RAI1: variants seen among roughly 807,000 people sequenced by gnomAD.
The protein encoded by RAI1 is retinoic acid-induced protein 1.
RAI1 carries 9 observed loss-of-function variants against 123.8 expected under a neutral mutation model. The observed-to-expected ratio is 0.07, with a 90% confidence interval of 0.04 to 0.13. RAI1 has a LOEUF of 0.13. Among genes scored for constraint, RAI1 ranks in the 10% least tolerant of loss-of-function variants. The pLI is 1.00. For missense variants in RAI1, 2,256 were observed against 2,545.8 expected, an observed-to-expected ratio of 0.89 and a Z score of 2.45; for synonymous variants, 1,231 against 1,127.3, an observed-to-expected ratio of 1.09 and a Z score of -1.84.
chr17:17,686,602 T>C lies in RAI1; in HGVS notation c.-149+4809T>C, dbSNP rs1175256685. Among the ~76,000 whole-genome samples the C allele has an allele frequency of 6.9e-4, 99 of 143,780 alleles. 1 individual carries two copies. The highest frequency in any genetic ancestry group is 3.5e-3 in the Middle Eastern group (1 of 284). 94.3% of individuals were successfully genotyped at this position (143,780 alleles called of 152,430 possible). ...GTGTGTGTGTGTGTGTGTGTGTGTG[T>C]GTGTGTGCACGCGCGCGCCGGGGAG... On this transcript the variant is annotated intron_variant, in intron 1 of 5. Transcript: ENST00000353383.
chr17:17,797,553 C>T lies in RAI1; in HGVS notation c.4605C>T (p.Ser1535=), dbSNP rs1256785905. The T allele has an allele frequency of 6.2e-7, 1 of 1,614,006 alleles. No individual in the cohort carries two copies. The highest frequency in any genetic ancestry group is 1.1e-5 in the South Asian group (1 of 91,078). The change falls in exon 3 of 6, where the codon TCC becomes TCT. Residue 1535 remains serine (S), a synonymous_variant. Coordinates refer to ENST00000353383, the MANE Select transcript of RAI1 (RefSeq NM_030665.4). ...GCCACACCAACTACAGCAGCTATTC[C>T]AAGCGGAAGCGCCTCACTCGGGGCC... ...QPGHTNYSSY[S]KRKRLTRGRA... is the part of the protein sequence containing the mutation.
chr17:17,722,914 C>A (rs1011287454), intron 1 of RAI1, among the ~76,000 whole-genome samples: 1 of 152,216 alleles, frequency 6.6e-6, no homozygotes, highest in African/African-American at 2.4e-5. Context: ...GCGCCTTAAG[C>A]GGCTCTTCTG....
intron 1 of RAI1, among the ~76,000 whole-genome samples, chr17:17,686,606 T>C (rs867736848): frequency 0.011 from 1,556 of 137,344 alleles, 32 homozygotes; most frequent in African/African-American, 0.041. Context: ...TGTGTGTGTG[T>C]GTGCACGCGC....
At chr17:17,784,189 G>C (rs1054038015) in intron 2 of RAI1, among the ~76,000 whole-genome samples, 20 of 152,176 alleles carry the variant, frequency 1.3e-4, no homozygotes, top group Non-Finnish European at 2.8e-4. Flanking sequence ...ACTGGGGGGA[G>C]GGAGGGGGTG....
In RAI1 at chr17:17,800,225, TCTC is replaced by T. The variant is rs1223275587; in HGVS notation, c.5565+1713_5565+1715del. Among the ~76,000 whole-genome samples, 3 of 143,014 alleles carry T rather than the reference TCTC, an allele frequency of 2.1e-5. No homozygotes were observed. Among genetic ancestry groups the T allele is most frequent in the Non-Finnish European group, 4.6e-5 (3 of 65,792 alleles). The allele number at this position is 143,014 out of a possible 152,430, so 93.8% of individuals were successfully genotyped here. On this transcript the variant is annotated intron_variant, in intron 3 of 5. Transcript: ENST00000353383. This position sits in a 1 kb window ranked among gnomAD's most constrained non-coding sequence, Gnocchi z 4.7. ...CTCTCTCTCTCTCTCTCTCTCTCTC[TCTC>T]ATTACTGGCTCCTTCCCAGCGCCTT...
At position 17,783,455 on chromosome 17, in the gene RAI1, G is replaced by T. The variant is rs577893647; in HGVS notation, c.-16-9478G>T. Among the ~76,000 whole-genome samples, 3 of 151,702 alleles carry T rather than the reference G, an allele frequency of 2.0e-5. No individual in the cohort carries two copies. The East Asian group carries it at 5.9e-4, about 30-fold the overall frequency. The stretch of plus-strand genomic sequence containing the variant: ...ACAAATAGAAGGTGAAATTTTACCT[G>T]CCCCTGAGGGAGTCCTGCGGATTTT... On this transcript the variant is annotated intron_variant, in intron 2 of 5. Transcript: ENST00000353383.
chr17:17,751,104 T>C (rs928045696), intron 2 of RAI1, among the ~76,000 whole-genome samples: 2 of 152,232 alleles, frequency 1.3e-5, no homozygotes, highest in South Asian at 2.1e-4. Flanking sequence ...ATGTTGGCCT[T>C]TCTGCCCCTT....
At chr17:17,777,107 G>A (rs1283299824) in intron 2 of RAI1, 1 of 152,186 alleles carries the variant, frequency 6.6e-6, no homozygotes, top group African/African-American at 2.4e-5. Context: ...TGGACAGCTA[G>A]GGGATCCCGT....
In RAI1 at chr17:17,810,953, C is replaced by T. The variant is rs765313154; in HGVS notation, c.*972C>T. The T allele has an allele frequency of 8.0e-5, 26 of 326,696 alleles. No individual in the cohort carries two copies. Among genetic ancestry groups the T allele is most frequent in the South Asian group, 3.6e-4 (17 of 47,194 alleles). 20.2% of individuals were successfully genotyped at this position (326,696 alleles called of 1,614,324 possible). On this transcript the variant is annotated 3_prime_UTR_variant, in exon 6 of 6. Transcript: ENST00000353383. This position sits in a 1 kb window ranked among gnomAD's most constrained non-coding sequence, Gnocchi z 4.6. ...AATGTATATATGTTGGGAACATGCT[C>T]GCTTCTCCCGTGTGTCGCCGCCGTG... is the stretch of plus-strand genomic sequence containing the variant.
chr17:17,727,973 T>C (rs1157487858), intron 2 of RAI1, among the ~76,000 whole-genome samples: 3 of 152,104 alleles, frequency 2.0e-5, no homozygotes, highest in Non-Finnish European at 4.4e-5. Context: ...CGTGTGCCTC[T>C]GATCCTGCTT....
At chr17:17,691,633 G>A (rs1914839427) in intron 1 of RAI1, among the ~76,000 whole-genome samples, 1 of 152,218 alleles carries the variant, frequency 6.6e-6, no homozygotes, top group South Asian at 2.1e-4. Context: ...CAGGCACCTG[G>A]TGTGTGCCCG....
chr17:17,727,939 C>T (rs941297397), intron 2 of RAI1, among the ~76,000 whole-genome samples: 2 of 152,104 alleles, frequency 1.3e-5, no homozygotes, highest in Non-Finnish European at 2.9e-5. Flanking sequence ...TTTCTGCCCC[C>T]TCCCCTGCAG....
intron 4 of RAI1, among the ~76,000 whole-genome samples, chr17:17,806,261 G>A (rs1299975481): frequency 6.6e-6 from 1 of 152,230 alleles, no homozygotes; most frequent in Non-Finnish European, 1.5e-5. Flanking sequence ...ACTGTTTAGT[G>A]GTGGGACTTG....
chr17:17,773,262 G>C (rs1165214636), intron 2 of RAI1, among the ~76,000 whole-genome samples: 1 of 152,190 alleles, frequency 6.6e-6, no homozygotes, highest in Admixed American at 6.5e-5. Context: ...CTCAGCTCCT[G>C]TGCCCAGCGT....
chr17:17,703,379 G>A (rs961698171), intron 1 of RAI1, among the ~76,000 whole-genome samples: 1 of 152,198 alleles, frequency 6.6e-6, no homozygotes, highest in Admixed American at 6.5e-5. Flanking sequence ...TTCCATGCAG[G>A]GTGGGGACTG....
chr17:17,796,966 A>G lies in RAI1; in HGVS notation c.4018A>G (p.Ser1340Gly), dbSNP rs1465064870. 5 of 1,613,806 alleles carry G rather than the reference A, an allele frequency of 3.1e-6. No homozygotes were observed. The highest frequency in any genetic ancestry group is 3.4e-6 in the Non-Finnish European group (4 of 1,180,038). The change falls in exon 3 of 6, where the codon AGC becomes GGC. Residue 1340 changes from serine to glycine, a missense_variant. Ser to Gly is a moderately conservative substitution (Grantham distance 56). Transcript: ENST00000353383. This position sits in a 1 kb window ranked among gnomAD's most constrained non-coding sequence, Gnocchi z 5.8. ...EAIVQKITSP[S>G]LKKFACKAPG... Reference sequence around the variant, plus strand: ...CATCGTGCAGAAGATCACCTCGCCCAGCCTCAAGAAGTTCGCATGTAAAGC... The same window carrying G: ...CATCGTGCAGAAGATCACCTCGCCCGGCCTCAAGAAGTTCGCATGTAAAGC...
chr17:17,805,444 G>T lies in RAI1; in HGVS notation c.5659+1595G>T, dbSNP rs568411042. Among the ~76,000 whole-genome samples the T allele has an allele frequency of 5.9e-5, 9 of 152,232 alleles. No individual in the cohort carries two copies. In the East Asian group the frequency reaches 1.7e-3, roughly 29 times the overall value. Reference sequence around the variant, plus strand: ...CCTCCCAACTCTGGCCTGGAAAGAGGCGAAGTCATAACCCACCTCCCAGTG... The same window carrying T: ...CCTCCCAACTCTGGCCTGGAAAGAGTCGAAGTCATAACCCACCTCCCAGTG... On this transcript the variant is annotated intron_variant, in intron 4 of 5. Transcript: ENST00000353383.
At chr17:17,697,932 C>T (rs1056768407) in intron 1 of RAI1, among the ~76,000 whole-genome samples, 2 of 152,180 alleles carry the variant, frequency 1.3e-5, no homozygotes, top group Non-Finnish European at 2.9e-5. Context: ...ATCTCTCTCA[C>T]CCACTTTTCA....
intron 2 of RAI1, among the ~76,000 whole-genome samples, chr17:17,759,723 G>T (rs190921329): frequency 6.6e-5 from 10 of 152,336 alleles, no homozygotes; most frequent in African/African-American, 2.4e-4. Flanking sequence ...TTGTCTTCAA[G>T]GGCAGAGGCC....
Sources: gnomAD v4.1 joint callset for allele counts (sites outside exome capture counted in the v4.1 genomes callset) on GRCh38, gnomAD v4.1.1 for gene constraint, Gnocchi (gnomAD v3.1) non-coding constraint, MANE v1.5 for transcripts, NCBI Gene and HGNC (gene_info 2026-07-23, HGNC 2026-07-21) for gene names.